Variants in CNTN5 observed in about 807,000 individuals in gnomAD.
CNTN5 encodes the protein contactin-5.
Under a neutral mutation model 129.1 loss-of-function variants are expected in CNTN5, and 77 were observed. The ratio of observed to expected loss-of-function variants is 0.60; its 90% CI spans 0.50 to 0.72. CNTN5 has a LOEUF of 0.72. Ranked by LOEUF, CNTN5 falls within the 30% of genes least tolerant of loss-of-function variation. The probability of loss-of-function intolerance (pLI) is 0.00; values close to 1 mark genes in which losing one functional copy is unlikely to be tolerated. For missense variants in CNTN5, 1,478 were observed against 1,328.8 expected (o/e 1.11, Z -1.75); for synonymous variants, 509 against 465.6 (o/e 1.09, Z -1.20).
chr11:99,592,080 GA>G (rs1157045097), intron 3 of CNTN5, among the ~76,000 whole-genome samples: 1 of 152,116 alleles, frequency 6.6e-6, no homozygotes, highest in Admixed American at 6.6e-5. Flanking sequence ...AAATTTGAAA[GA>G]AAAACTAAGA....
At chr11:99,132,056 C>T (rs570378446) in intron 1 of CNTN5, among the ~76,000 whole-genome samples, 6 of 152,262 alleles carry the variant, frequency 3.9e-5, no homozygotes, top group African/African-American at 1.4e-4. Flanking sequence ...TTAGCACAAT[C>T]AAGTCAGTGT....
At chr11:99,717,207 T>C (rs1295408415) in intron 3 of CNTN5, among the ~76,000 whole-genome samples, 1 of 152,128 alleles carries the variant, frequency 6.6e-6, no homozygotes, top group Non-Finnish European at 1.5e-5. Context: ...TTTCATTTTT[T>C]AACCTTGCTA....
At chr11:100,269,609 T>C (rs1265530986) in intron 17 of CNTN5, among the ~76,000 whole-genome samples, 1 of 152,066 alleles carries the variant, frequency 6.6e-6, no homozygotes, top group Non-Finnish European at 1.5e-5. Context: ...TAAAAAGTTG[T>C]AGGAATGCCC....
At chr11:99,365,033 C>T (rs563862048) in intron 2 of CNTN5, among the ~76,000 whole-genome samples, 2 of 152,208 alleles carry the variant, frequency 1.3e-5, no homozygotes, top group African/African-American at 4.8e-5. Flanking sequence ...GAATAAAAAA[C>T]CTAATTAAGG....
At chr11:99,937,653 C>T (rs552210654) in intron 7 of CNTN5, among the ~76,000 whole-genome samples, 12 of 152,292 alleles carry the variant, frequency 7.9e-5, no homozygotes, top group African/African-American at 1.9e-4. Flanking sequence ...CTGTGGGCCA[C>T]TTTAAATGTA....
intron 6 of CNTN5, among the ~76,000 whole-genome samples, chr11:99,855,252 A>G (rs571492015): frequency 6.6e-6 from 1 of 152,214 alleles, no homozygotes; most frequent in East Asian, 1.9e-4. Flanking sequence ...TAGGTGAGCT[A>G]TGATCACTCT....
intron 1 of CNTN5, among the ~76,000 whole-genome samples, chr11:99,214,461 T>C (rs1006410474): frequency 6.6e-6 from 1 of 150,572 alleles, no homozygotes; most frequent in Admixed American, 6.7e-5. Context: ...CCTAGACTAG[T>C]TACCAGAAAA....
chr11:100,154,553 G>A (rs1051806256), intron 13 of CNTN5, among the ~76,000 whole-genome samples: 2 of 152,114 alleles, frequency 1.3e-5, no homozygotes, highest in African/African-American at 4.8e-5. Context: ...TGGGATTGCT[G>A]GGTCAAATGG....
chr11:99,873,800 GCTAA>G (rs900966329), intron 6 of CNTN5, among the ~76,000 whole-genome samples: 2 of 152,034 alleles, frequency 1.3e-5, no homozygotes, highest in African/African-American at 4.8e-5. Context: ...AAATCTTGTA[GCTAA>G]CCTATATGTC....
At chr11:99,991,940 A>T (rs1939130635) in intron 8 of CNTN5, among the ~76,000 whole-genome samples, 1 of 152,232 alleles carries the variant, frequency 6.6e-6, no homozygotes, top group African/African-American at 2.4e-5. Context: ...CCAGGAAGAT[A>T]AAACCTATTC....
chr11:100,233,199 C>T (rs1949530382), intron 16 of CNTN5, among the ~76,000 whole-genome samples: 1 of 151,778 alleles, frequency 6.6e-6, no homozygotes, highest in Admixed American at 6.6e-5. Context: ...CATTTAGTTT[C>T]TGATACACTA....
chr11:99,780,914 G>C (rs1425505691), intron 3 of CNTN5, among the ~76,000 whole-genome samples: 1 of 152,004 alleles, frequency 6.6e-6, no homozygotes, highest in Non-Finnish European at 1.5e-5. Context: ...TTAATTTATA[G>C]ATAACTTTGT....
intron 3 of CNTN5, among the ~76,000 whole-genome samples, chr11:99,738,061 T>A (rs1209982472): frequency 6.6e-6 from 1 of 152,116 alleles, no homozygotes; most frequent in African/African-American, 2.4e-5. Context: ...TACTATGAGA[T>A]CACAGAAAAG....
chr11:99,238,901 A>G (rs1861408904), intron 1 of CNTN5, among the ~76,000 whole-genome samples: 1 of 152,154 alleles, frequency 6.6e-6, no homozygotes, highest in Non-Finnish European at 1.5e-5. Context: ...TATCATAATC[A>G]TTGTGACTGA....
intron 6 of CNTN5, among the ~76,000 whole-genome samples, chr11:99,882,926 T>A (rs553652179): frequency 6.6e-6 from 1 of 152,266 alleles, no homozygotes; most frequent in South Asian, 2.1e-4. Context: ...TGATTTCAAT[T>A]GTTTTGAGTT....
At chr11:99,114,128 T>C (rs1321363442) in intron 1 of CNTN5, among the ~76,000 whole-genome samples, 1 of 152,208 alleles carries the variant, frequency 6.6e-6, no homozygotes, top group Admixed American at 6.5e-5. Flanking sequence ...TATTACTGAA[T>C]TGAATTACAT....
intron 2 of CNTN5, among the ~76,000 whole-genome samples, chr11:99,345,288 G>A (rs1937761931): frequency 6.6e-6 from 1 of 152,108 alleles, no homozygotes; most frequent in African/African-American, 2.4e-5. Context: ...ATTATACACT[G>A]TTGTTGAGGG....
At chr11:100,125,211 G>T (rs1946144340) in intron 13 of CNTN5, among the ~76,000 whole-genome samples, 1 of 151,948 alleles carries the variant, frequency 6.6e-6, no homozygotes. Context: ...AGGGGTACAT[G>T]AACAGGTTTA....
chr11:99,586,233 A>C (rs1949788758), intron 3 of CNTN5, among the ~76,000 whole-genome samples: 1 of 152,128 alleles, frequency 6.6e-6, no homozygotes, highest in Non-Finnish European at 1.5e-5. Flanking sequence ...TATTACCATC[A>C]TCCCACAAGC....
Sources: gnomAD v4.1 joint callset for allele counts (sites outside exome capture counted in the v4.1 genomes callset) on GRCh38, gnomAD v4.1.1 for gene constraint, MANE v1.5 for transcripts, NCBI Gene and HGNC (gene_info 2026-07-23, HGNC 2026-07-21) for gene names.